The following TMEM263 variants were observed in gnomAD, a reference collection of about 807,000 sequenced individuals.
The protein encoded by TMEM263 is transmembrane protein 263, also known as UPF0444 transmembrane protein C12orf23.
TMEM263 carries 5 observed loss-of-function variants against 8.6 expected under a neutral mutation model. The observed-to-expected ratio is 0.58, with a 90% confidence interval of 0.31 to 1.23. The LOEUF (loss-of-function observed/expected upper bound fraction) is 1.23, where lower values mean the gene tolerates loss of function less well. Ranked by LOEUF, TMEM263 falls within the 50% of genes most tolerant of loss-of-function variation. The pLI is 0.07. For synonymous variants in TMEM263, 50 were observed against 47.9 expected, an observed-to-expected ratio of 1.04 and a Z score of -0.18; for missense variants, 104 against 138.8, an observed-to-expected ratio of 0.75 and a Z score of 1.26.
In TMEM263 at chr12:106,971,071, T is replaced by C. The variant is rs188958128; in HGVS notation, c.65-34T>C. 8.7e-6 allele frequency: 14 copies of C among 1,605,478 alleles called. No homozygotes were observed. The East Asian group carries it at 8.9e-5, about 10-fold the overall frequency. On this transcript the variant is annotated intron_variant, in intron 3 of 3. Transcript: ENST00000280756. Reference sequence around the variant, plus strand: ...TGCTCTTTTAAAGACTTGTGACTTATATTTGATTGTCTCATGATATTTTCT... The same window carrying C: ...TGCTCTTTTAAAGACTTGTGACTTACATTTGATTGTCTCATGATATTTTCT...
rs949589832 is a variant in TMEM263 at position 106,956,181 on chromosome 12, A to G, written c.-75+116A>G. 1.0e-5 allele frequency: 5 copies of G among 487,370 alleles called. No homozygotes were observed. In the Admixed American group the frequency reaches 2.6e-4, roughly 25 times the overall value. 30.2% of individuals were successfully genotyped at this position (487,370 alleles called of 1,614,324 possible). ...CTCCCAGTGCCCGGCCTGGCTGCCC[A>G]GCGGGGCCTTGGCGAGGCCCCAGCG... is the stretch of plus-strand genomic sequence containing the variant. On this transcript the variant is annotated intron_variant, in intron 1 of 3. Transcript: ENST00000280756.
At position 106,967,199 on chromosome 12, in the gene TMEM263, C is replaced by T; in HGVS notation, c.64+19C>T. On this transcript the variant is annotated intron_variant, in intron 3 of 3. Transcript: ENST00000280756. ...CCAGAAGGTAAGTATGCATCTGTAA[C>T]ACTAAGAATGGAAAAATATACTGAA... 7.1e-7 allele frequency: 1 copy of T among 1,407,002 alleles called. No homozygotes were observed. The highest frequency in any genetic ancestry group is 9.8e-7 in the Non-Finnish European group (1 of 1,016,118). 87.2% of individuals were successfully genotyped at this position (1,407,002 alleles called of 1,614,324 possible). A position where few individuals can be genotyped will look rare whatever the true frequency, so the allele number is the denominator to read the frequency against.
At chr12:106,969,687 C>T (rs1175027187) in intron 3 of TMEM263, among the ~76,000 whole-genome samples, 2 of 149,752 alleles carry the variant, frequency 1.3e-5, no homozygotes, top group African/African-American at 4.9e-5. Context: ...GATCACGCCA[C>T]TGCACTCCAG....
chr12:106,960,196 G>A (rs1189836279), intron 2 of TMEM263, among the ~76,000 whole-genome samples: 6 of 151,958 alleles, frequency 3.9e-5, no homozygotes, highest in East Asian at 1.9e-4. Flanking sequence ...CACCATGCCC[G>A]GCTAATTTTT....
chr12:106,966,835 G>C, intron 2 of TMEM263: 1 of 299,412 alleles, frequency 3.3e-6, no homozygotes, highest in East Asian at 7.9e-5. Context: ...TGTAGTTGAA[G>C]CACCACAGTA....
At chr12:106,965,908 G>T (rs1050595826) in intron 2 of TMEM263, among the ~76,000 whole-genome samples, 11 of 152,036 alleles carry the variant, frequency 7.2e-5, no homozygotes, top group African/African-American at 2.2e-4. Flanking sequence ...GATTCAGATT[G>T]GTGGTGTCAT....
intron 3 of TMEM263, among the ~76,000 whole-genome samples, chr12:106,968,298 AAGAACT>A (rs1280053664): frequency 1.3e-5 from 2 of 152,156 alleles, no homozygotes; most frequent in Admixed American, 6.5e-5. Flanking sequence ...AAGAATTCAA[AAGAACT>A]ATCGGAGATT....
rs1951682109 is a variant in TMEM263 at position 106,955,992 on chromosome 12, C to T, written c.-148C>T. On this transcript the variant is annotated 5_prime_UTR_variant, in exon 1 of 4. Transcript: ENST00000280756. ...TGCCGGCCGCCGCTGCCGCCCAGGC[C>T]GCCTCAGCTCTCCTCTGCGCCGGCC... 2 of 986,498 alleles carry T rather than the reference C, an allele frequency of 2.0e-6. No individual in the cohort carries two copies. The highest frequency in any genetic ancestry group is 4.7e-5 in the South Asian group (1 of 21,304). The allele number at this position is 986,498 out of a possible 1,614,324, so 61.1% of individuals were successfully genotyped here.
chr12:106,961,402 C>A (rs1951777086), intron 2 of TMEM263, among the ~76,000 whole-genome samples: 2 of 151,878 alleles, frequency 1.3e-5, no homozygotes, highest in African/African-American at 4.8e-5. Flanking sequence ...TGGCAGCTTA[C>A]AACAAAAACA....
At chr12:106,968,706 A>C (rs1951877293) in intron 3 of TMEM263, among the ~76,000 whole-genome samples, 1 of 152,330 alleles carries the variant, frequency 6.6e-6, no homozygotes, top group South Asian at 2.1e-4. Flanking sequence ...AAAAGAGATC[A>C]GCTGCATTAA....
chr12:106,968,719 AT>A (rs1028112057), intron 3 of TMEM263, among the ~76,000 whole-genome samples: 18 of 152,180 alleles, frequency 1.2e-4, no homozygotes, highest in African/African-American at 4.1e-4. Flanking sequence ...TGCATTAATT[AT>A]TTATCTGACT....
intron 3 of TMEM263, among the ~76,000 whole-genome samples, chr12:106,970,689 CGAA>C (rs1396590010): frequency 6.6e-6 from 1 of 152,112 alleles, no homozygotes; most frequent in African/African-American, 2.4e-5. Flanking sequence ...CTGCATTTTA[CGAA>C]GAAGATTGTT....
intron 2 of TMEM263, among the ~76,000 whole-genome samples, chr12:106,959,721 G>C (rs375958643): frequency 2.6e-5 from 4 of 152,242 alleles, no homozygotes; most frequent in African/African-American, 9.6e-5. Flanking sequence ...CTTTAGTAAC[G>C]AAGTGGCAAT....
At chr12:106,969,582 C>G (rs898585786) in intron 3 of TMEM263, among the ~76,000 whole-genome samples, 1 of 151,896 alleles carries the variant, frequency 6.6e-6, no homozygotes, top group East Asian at 1.9e-4. Flanking sequence ...AAAAATTAGC[C>G]GGGTGTGGTG....
intron 3 of TMEM263, 134 bp from the exon 4 acceptor site, chr12:106,970,971 T>G: frequency 1.2e-6 from 1 of 805,196 alleles, no homozygotes; most frequent in East Asian, 2.6e-5. Context: ...TTCAGTGTCT[T>G]TGAATCAGTG....
chr12:106,962,415 A>T lies in TMEM263; in HGVS notation c.-6-4696A>T, dbSNP rs543076779. ...AATGTATGTCTTTTGGAAGCCTATAAATTCCTCTCTTGCGTTCCATGAGGC... is the reference window on the plus strand; with the variant it reads ...AATGTATGTCTTTTGGAAGCCTATATATTCCTCTCTTGCGTTCCATGAGGC... On this transcript the variant is annotated intron_variant, in intron 2 of 3. Transcript: ENST00000280756. Among the ~76,000 whole-genome samples the T allele has an allele frequency of 5.3e-5, 8 of 152,294 alleles. No homozygotes were observed. The South Asian group carries it at 1.4e-3, about 28-fold the overall frequency.
At chr12:106,957,269 C>A in intron 2 of TMEM263, 120 bp downstream of exon 2, 1 of 639,406 alleles carries the variant, frequency 1.6e-6, no homozygotes, top group Non-Finnish European at 2.0e-6. Context: ...GAGAAGTAGC[C>A]TTTGATAAAC....
intron 2 of TMEM263, chr12:106,959,510 T>C (rs889902449): frequency 3.3e-5 from 5 of 152,260 alleles, no homozygotes; most frequent in Admixed American, 2.0e-4. Flanking sequence ...TTCAAAGTGC[T>C]GGGATTACAG....
chr12:106,956,110 C>A, intron 1 of TMEM263, 45 bp downstream of exon 1: 1 of 937,394 alleles, frequency 1.1e-6, no homozygotes, highest in Non-Finnish European at 1.3e-6. Context: ...TCCCGGCTTC[C>A]TGCCCTCCTC....
Sources: allele counts gnomAD v4.1 joint callset (sites outside exome capture counted in the v4.1 genomes callset), GRCh38; gene constraint gnomAD v4.1.1; transcripts MANE v1.5; gene names NCBI Gene and HGNC (gene_info 2026-07-23, HGNC 2026-07-21).